CNGA3: variants seen among roughly 807,000 people sequenced by gnomAD.
CNGA3 encodes the protein cyclic nucleotide-gated channel alpha-3.
A neutral mutation model predicts 46.6 loss-of-function variants in CNGA3; 42 were observed. The ratio of observed to expected loss-of-function variants is 0.90; its 90% confidence interval spans 0.70 to 1.17. The LOEUF (loss-of-function observed/expected upper bound fraction) is 1.17, where lower values mean the gene tolerates loss of function less well. CNGA3 is among the 50% of genes most tolerant of loss of function. The pLI is 0.00. For synonymous variants in CNGA3, 394 were observed against 369.4 expected, an observed-to-expected ratio of 1.07 and a Z score of -0.76; for missense variants, 893 against 890.7, an observed-to-expected ratio of 1.00 and a Z score of -0.03.
At chr2:98,347,716 C>T (rs1396919257) in intron 1 of CNGA3, among the ~76,000 whole-genome samples, 5 of 152,206 alleles carry the variant, frequency 3.3e-5, no homozygotes, top group Admixed American at 6.5e-5. Context: ...GGCACCCCGA[C>T]GGCAGACGCT....
rs376242386 is a variant in CNGA3 at position 98,371,888 on chromosome 2, G to A, written c.101+1812G>A. Among the ~76,000 whole-genome samples, 5 of 152,312 alleles carry A rather than the reference G, an allele frequency of 3.3e-5. No individual in the cohort carries two copies. The East Asian group carries it at 5.8e-4, about 18-fold the overall frequency. On this transcript the variant is annotated intron_variant, in intron 2 of 7. Transcript: ENST00000272602. ...AGAATGAGGCACAGCATAACATCAC[G>A]ATCCTGGGATCCTGGGCCCAAGACC...
intron 5 of CNGA3, among the ~76,000 whole-genome samples, chr2:98,386,887 G>A (rs1184432173): frequency 6.6e-6 from 1 of 152,178 alleles, no homozygotes; most frequent in Admixed American, 6.5e-5. Context: ...TTCTGCGTAA[G>A]ATCCAAACGA....
Position 98,395,716 on chromosome 2 carries a change from T to A in CNGA3, c.674-128T>A, listed in dbSNP as rs1054443007. ...CTGTAGTAATGGTAAGTGTTGTTTT[T>A]GAAATCATTTCTATTATATATGTAT... On this transcript the variant is annotated intron_variant, in intron 7 of 7. Coordinates refer to ENST00000272602, the MANE Select transcript of CNGA3 (RefSeq NM_001298.3). The A allele has an allele frequency of 9.3e-6, 7 of 756,554 alleles. No individual in the cohort carries two copies. The East Asian group carries it at 1.9e-4, about 20-fold the overall frequency. The allele number at this position is 756,554 out of a possible 1,614,324, so 46.9% of individuals were successfully genotyped here.
chr2:98,359,216 C>G (rs894302714), intron 1 of CNGA3, among the ~76,000 whole-genome samples: 4 of 152,338 alleles, frequency 2.6e-5, no homozygotes, highest in Admixed American at 6.5e-5. Flanking sequence ...CCCTCAGGCT[C>G]CTGCTTCTAT....
chr2:98,366,697 G>A (rs1303606215), intron 1 of CNGA3, among the ~76,000 whole-genome samples: 5 of 152,212 alleles, frequency 3.3e-5, no homozygotes, highest in African/African-American at 1.2e-4. Flanking sequence ...TGCACTGTGG[G>A]GAATTCCTCC....
At chr2:98,358,558 A>G (rs900609170) in intron 1 of CNGA3, among the ~76,000 whole-genome samples, 2 of 152,232 alleles carry the variant, frequency 1.3e-5, no homozygotes, top group Non-Finnish European at 2.9e-5. Flanking sequence ...AGTTGGAATT[A>G]GCAAAAATTC....
intron 4 of CNGA3, among the ~76,000 whole-genome samples, chr2:98,381,355 T>C (rs1181311687): frequency 6.6e-6 from 1 of 152,066 alleles, no homozygotes; most frequent in African/African-American, 2.4e-5. Context: ...CCTATATAAT[T>C]TGCTAGAGAA....
At position 98,396,721 on chromosome 2, in the gene CNGA3, G is replaced by A. The variant is rs142322729; in HGVS notation, c.1551G>A (p.Lys517=). The A allele has an allele frequency of 6.2e-6, 10 of 1,614,096 alleles. No homozygotes were observed. In the African/African-American group the frequency reaches 1.3e-4, roughly 22 times the overall value. ...DYICKKGDIG[K]EMYIINEGKL... Reference sequence around the variant, plus strand: ...TCTGCAAGAAGGGAGATATTGGGAAGGAGATGTACATCATCAACGAGGGCA... The same window carrying A: ...TCTGCAAGAAGGGAGATATTGGGAAAGAGATGTACATCATCAACGAGGGCA... The change falls in exon 8 of 8, where the codon AAG becomes AAA. Residue 517 remains lysine, a synonymous_variant. Coordinates refer to ENST00000272602, the MANE Select transcript of CNGA3 (RefSeq NM_001298.3).
rs960598748 is a variant in CNGA3, at chr2:98,397,470, G to A, written c.*215G>A. 14 of 610,524 alleles carry A rather than the reference G, an allele frequency of 2.3e-5. No homozygotes were observed. The highest frequency in any genetic ancestry group is 7.4e-5 in the African/African-American group (4 of 54,200). The allele number at this position is 610,524 out of a possible 1,614,324, so 37.8% of individuals were successfully genotyped here. Reference sequence around the variant, plus strand: ...AGTGCCAGGTTTGATTGTGAAGTCCGCATGAAACACTGCACCAGGCAGGGC... The same window carrying A: ...AGTGCCAGGTTTGATTGTGAAGTCCACATGAAACACTGCACCAGGCAGGGC... On this transcript the variant is annotated 3_prime_UTR_variant, in exon 8 of 8. Coordinates refer to ENST00000272602, the MANE Select transcript of CNGA3 (RefSeq NM_001298.3).
chr2:98,370,126 T>G, intron 2 of CNGA3, 50 bp downstream of exon 2: 1 of 1,418,452 alleles, frequency 7.0e-7, no homozygotes, highest in Non-Finnish European at 9.9e-7. Flanking sequence ...CTCTGGTCAT[T>G]TCCACAGCTG....
Position 98,396,590 on chromosome 2 carries a change from C to T in CNGA3, c.1420C>T (p.Leu474=). Residue 474 remains leucine (L), a synonymous_variant, in exon 8 of 8, where the codon CTG becomes TTG. Transcript: ENST00000272602. ...LKAEIAINVH[L]DTLKKVRIFQ... is the part of the protein sequence containing the mutation. ...GGCTGAGATCGCCATCAACGTGCAC[C>T]TGGACACGCTGAAGAAGGTTCGCAT... 3 of 1,613,964 alleles carry T rather than the reference C, an allele frequency of 1.9e-6. No homozygotes were observed. The highest frequency in any genetic ancestry group is 2.5e-6 in the Non-Finnish European group (3 of 1,179,968).
At chr2:98,354,198 A>G in intron 1 of CNGA3, among the ~76,000 whole-genome samples, 1 of 152,130 alleles carries the variant, frequency 6.6e-6, no homozygotes, top group South Asian at 2.1e-4. Flanking sequence ...TATTTGTTTT[A>G]TTTTTATTGT....
chr2:98,378,048 A>T, intron 3 of CNGA3: 1 of 1,549,260 alleles, frequency 6.5e-7, no homozygotes. Flanking sequence ...ACATTGAGGT[A>T]CTTGCTCAGG....
In CNGA3 at chr2:98,396,283, C is replaced by G. The variant is rs532328081; in HGVS notation, c.1113C>G (p.Pro371=). 2 of 1,610,980 alleles carry G rather than the reference C, an allele frequency of 1.2e-6. No individual in the cohort carries two copies. The highest frequency in any genetic ancestry group is 2.2e-5 in the East Asian group (1 of 44,802). ...LTLTTIGETP[P]PVKDEEYLFV... ...TTACCACCATTGGTGAGACCCCACC[C>G]CCCGTGAAAGATGAGGAGTATCTCT... The change falls in exon 8 of 8, where the codon CCC becomes CCG. Residue 371 remains proline (P), a synonymous_variant. Coordinates refer to ENST00000272602, the MANE Select transcript of CNGA3 (RefSeq NM_001298.3).
At chr2:98,387,140 T>C (rs1692672363) in intron 5 of CNGA3, among the ~76,000 whole-genome samples, 3 of 152,244 alleles carry the variant, frequency 2.0e-5, no homozygotes, top group Admixed American at 2.0e-4. Context: ...TTTTCCCACG[T>C]CACTAGCTCT....
chr2:98,350,009 T>C (rs1691739392), intron 1 of CNGA3, among the ~76,000 whole-genome samples: 2 of 152,238 alleles, frequency 1.3e-5, no homozygotes, highest in African/African-American at 4.8e-5. Flanking sequence ...GAAAACTCTT[T>C]CCTGAACTCG....
At chr2:98,365,603 CT>C (rs997135122) in intron 1 of CNGA3, among the ~76,000 whole-genome samples, 1 of 145,266 alleles carries the variant, frequency 6.9e-6, no homozygotes, top group African/African-American at 2.5e-5. Context: ...TTTGTTCATT[CT>C]TTTTCATTTT....
chr2:98,383,581 C>T, intron 5 of CNGA3, 140 bp downstream of exon 5: 1 of 844,724 alleles, frequency 1.2e-6, no homozygotes, highest in South Asian at 1.5e-5. Context: ...ATCCTGTTCC[C>T]TTCGTTGGAA....
intron 1 of CNGA3, among the ~76,000 whole-genome samples, chr2:98,354,894 T>G (rs1308736651): frequency 6.6e-6 from 1 of 152,230 alleles, no homozygotes; most frequent in Non-Finnish European, 1.5e-5. Context: ...TGCAGTCCAA[T>G]CTATTTTTTC....
Sources: gnomAD v4.1 joint callset for allele counts (sites outside exome capture counted in the v4.1 genomes callset) on GRCh38, gnomAD v4.1.1 for gene constraint, MANE v1.5 for transcripts, NCBI Gene and HGNC (gene_info 2026-07-23, HGNC 2026-07-21) for gene names.